The following PAPPA variants were observed in gnomAD, a reference collection of about 807,000 sequenced individuals.
PAPPA encodes the protein pappalysin 1, also known as pappalysin-1.
A neutral mutation model predicts 164.0 loss-of-function variants in PAPPA; 60 were observed. That is an observed-to-expected ratio of 0.37 (90% CI 0.30 to 0.45). The LOEUF (loss-of-function observed/expected upper bound fraction) is 0.45, where lower values mean the gene tolerates loss of function less well. Ranked by LOEUF, PAPPA falls within the 20% of genes least tolerant of loss-of-function variation. The probability of loss-of-function intolerance (pLI) is 1.00; values close to 1 mark genes in which losing one functional copy is unlikely to be tolerated. For synonymous variants in PAPPA, 875 were observed against 814.1 expected, an observed-to-expected ratio of 1.07 and a Z score of -1.27; for missense variants, 1,782 against 2,087.3, an observed-to-expected ratio of 0.85 and a Z score of 2.85.
intron 15 of PAPPA, among the ~76,000 whole-genome samples, chr9:116,349,706 C>A (rs1846256821): frequency 6.6e-6 from 1 of 152,206 alleles, no homozygotes. Flanking sequence ...CATTTGTAGA[C>A]AGGCTGGGCA....
At chr9:116,266,018 G>T (rs778664348) in intron 8 of PAPPA, 33 bp downstream of exon 8, 23 of 1,550,100 alleles carry the variant, frequency 1.5e-5, no homozygotes, top group Non-Finnish European at 1.9e-5. Context: ...AGAAGAGGAG[G>T]GATGCTGGTT....
intron 10 of PAPPA, among the ~76,000 whole-genome samples, chr9:116,319,187 C>G (rs1238626608): frequency 6.6e-6 from 1 of 152,182 alleles, no homozygotes; most frequent in Admixed American, 6.5e-5. Flanking sequence ...AGCAGGCCTG[C>G]GGAGGGCCCG....
intron 7 of PAPPA, among the ~76,000 whole-genome samples, chr9:116,262,023 C>T (rs577501427): frequency 8.6e-5 from 13 of 151,850 alleles, no homozygotes; most frequent in Non-Finnish European, 1.2e-4. Context: ...AACCAGCCTG[C>T]GCAACCTGAT....
intron 9 of PAPPA, among the ~76,000 whole-genome samples, chr9:116,301,755 C>T (rs779693413): frequency 6.6e-6 from 1 of 152,148 alleles, no homozygotes; most frequent in South Asian, 2.1e-4. Context: ...TTAACTAAAA[C>T]TCCTAGGGTA....
chr9:116,383,201 G>A (rs1022344338), intron 21 of PAPPA, among the ~76,000 whole-genome samples: 19 of 152,274 alleles, frequency 1.2e-4, no homozygotes, highest in Non-Finnish European at 2.2e-4. Flanking sequence ...TCCGACTGCC[G>A]CTGAGACCAG....
intron 6 of PAPPA, among the ~76,000 whole-genome samples, chr9:116,232,633 C>G (rs1054399864): frequency 6.6e-6 from 1 of 152,146 alleles, no homozygotes; most frequent in Non-Finnish European, 1.5e-5. Context: ...AGACCTGAGG[C>G]GTGTAATGTG....
chr9:116,398,479 TAA>T lies in PAPPA; in HGVS notation c.*1879_*1880del, dbSNP rs373083822. 0.012 allele frequency: 8,216 copies of T among 693,648 alleles called. No individual in the cohort carries two copies. The highest frequency in any genetic ancestry group is 0.016 in the South Asian group (768 of 48,168). 43.0% of individuals were successfully genotyped at this position (693,648 alleles called of 1,614,324 possible). A position where few individuals can be genotyped will look rare whatever the true frequency, so the allele number is the denominator to read the frequency against. On this transcript the variant is annotated 3_prime_UTR_variant, in exon 22 of 22. Coordinates refer to ENST00000328252, the MANE Select transcript of PAPPA (RefSeq NM_002581.5). ...GGTGTTGTTAATCTATCATAGCACT[TAA>T]AAAAAAAAAAAAAAAGAGACCAAAA...
At chr9:116,237,536 G>A (rs942117463) in intron 7 of PAPPA, among the ~76,000 whole-genome samples, 1 of 152,030 alleles carries the variant, frequency 6.6e-6, no homozygotes. Flanking sequence ...AGTTTGAAAT[G>A]GTGAAAATTA....
chr9:116,367,627 A>G lies in PAPPA; in HGVS notation c.4496-18A>G. On this transcript the variant is annotated intron_variant, in intron 18 of 21. Transcript: ENST00000328252. ...GGGTCTCGGGCCTGAGCTGCGCCTC[A>G]TGCTGTACTTCCCTCAGGGTCGGAG... is the stretch of plus-strand genomic sequence containing the variant. 1 of 1,593,560 alleles carries G rather than the reference A, an allele frequency of 6.3e-7. No homozygotes were observed. Among genetic ancestry groups the G allele is most frequent in the Non-Finnish European group, 8.6e-7 (1 of 1,162,330 alleles).
intron 10 of PAPPA, chr9:116,318,509 C>T (rs1845814596): frequency 6.6e-6 from 1 of 151,952 alleles, no homozygotes; most frequent in South Asian, 2.1e-4. Flanking sequence ...CAAAAGAAAA[C>T]AGATCCCTGG....
At chr9:116,241,161 A>G (rs1015836298) in intron 7 of PAPPA, among the ~76,000 whole-genome samples, 2 of 152,164 alleles carry the variant, frequency 1.3e-5, no homozygotes, top group Non-Finnish European at 2.9e-5. Context: ...ATACCCATCA[A>G]TTAGAAACTT....
intron 18 of PAPPA, among the ~76,000 whole-genome samples, chr9:116,365,850 T>G (rs1404558923): frequency 1.3e-5 from 2 of 152,164 alleles, no homozygotes; most frequent in African/African-American, 4.8e-5. Flanking sequence ...CCTTCTCTCC[T>G]CTCTCTGTGT....
At chr9:116,388,704 C>T (rs1056805842) in intron 21 of PAPPA, among the ~76,000 whole-genome samples, 1 of 152,150 alleles carries the variant, frequency 6.6e-6, no homozygotes, top group African/African-American at 2.4e-5. Context: ...CACATGGCTT[C>T]CTGGATGAGT....
chr9:116,255,742 G>A lies in PAPPA; in HGVS notation c.2733-10115G>A, dbSNP rs369229489. Among the ~76,000 whole-genome samples, 7 of 152,028 alleles carry A rather than the reference G, an allele frequency of 4.6e-5. No individual in the cohort carries two copies. The East Asian group carries it at 1.2e-3, about 26-fold the overall frequency. ...CACTTTTAAAATAAGGATTTTAAATGAGATTTTCAGGACCCCTGAAACGAC... is the reference window on the plus strand; with the variant it reads ...CACTTTTAAAATAAGGATTTTAAATAAGATTTTCAGGACCCCTGAAACGAC... On this transcript the variant is annotated intron_variant, in intron 7 of 21. Coordinates refer to ENST00000328252, the MANE Select transcript of PAPPA (RefSeq NM_002581.5).
At chr9:116,311,803 A>G (rs1587998672) in intron 10 of PAPPA, among the ~76,000 whole-genome samples, 2 of 152,346 alleles carry the variant, frequency 1.3e-5, no homozygotes, top group South Asian at 2.1e-4. Flanking sequence ...ACTAAACTAC[A>G]TTATCCCTGA....
At chr9:116,259,001 C>A (rs1050314828) in intron 7 of PAPPA, among the ~76,000 whole-genome samples, 1 of 151,928 alleles carries the variant, frequency 6.6e-6, no homozygotes, top group Non-Finnish European at 1.5e-5. Context: ...GGCATGGTGG[C>A]ACATGCCTGT....
At chr9:116,211,489 T>C (rs1587954119) in intron 3 of PAPPA, 150 bp from the exon 4 acceptor site, 6 of 638,182 alleles carry the variant, frequency 9.4e-6, no homozygotes, top group Non-Finnish European at 1.1e-5. Flanking sequence ...ATGCCATAGG[T>C]TGTAACAGCT....
chr9:116,371,160 T>C (rs1846567840), intron 19 of PAPPA, among the ~76,000 whole-genome samples: 1 of 141,650 alleles, frequency 7.1e-6, no homozygotes, highest in Non-Finnish European at 1.5e-5. Context: ...CTCACGCCTG[T>C]AATCCCAGCA....
chr9:116,305,138 C>CACAG (rs1554750325), intron 10 of PAPPA, among the ~76,000 whole-genome samples: 2 of 136,984 alleles, frequency 1.5e-5, no homozygotes. Flanking sequence ...CACACAGACA[C>CACAG]ACACACACAC....
Sources: gnomAD v4.1 joint callset for allele counts (sites outside exome capture counted in the v4.1 genomes callset) on GRCh38, gnomAD v4.1.1 for gene constraint, MANE v1.5 for transcripts, NCBI Gene and HGNC (gene_info 2026-07-23, HGNC 2026-07-21) for gene names.